PJA2: variants seen among roughly 807,000 people sequenced by gnomAD.
PJA2 encodes E3 ubiquitin-protein ligase Praja-2.
Under a neutral mutation model 69.3 loss-of-function variants are expected in PJA2, and 25 were observed. The observed-to-expected ratio is 0.36, with a 90% CI of 0.26 to 0.50. The LOEUF is 0.50. Among genes scored for constraint, PJA2 ranks in the 20% least tolerant of loss-of-function variants. The pLI is 0.96. For missense variants in PJA2, 809 were observed against 830.2 expected (o/e 0.97, Z 0.31); for synonymous variants, 308 against 277.8 (o/e 1.11, Z -1.08).
At position 109,381,688 on chromosome 5, in the gene PJA2, G is replaced by T. The variant is rs1209353987; in HGVS notation, c.47C>A (p.Ser16Tyr). Residue 16 changes from serine (S) to tyrosine (Y), a missense_variant, in exon 3 of 10, where the codon TCT becomes TAT. By Grantham distance (144) the Ser-to-Tyr change is moderately radical. Coordinates refer to ENST00000361189, the MANE Select transcript of PJA2 (RefSeq NM_014819.5). ...TGGTTTGGGCCAGACAGCCTTACCA[G>T]ATTCTTGGTCCATTGCTGAAAAAAA... is the stretch of plus-strand genomic sequence containing the variant. Reference protein sequence around the residue: ...EKEPAAMDQESGKAVWPKPAG... With the variant: ...EKEPAAMDQEYGKAVWPKPAG... The T allele has an allele frequency of 6.2e-7, 1 of 1,613,544 alleles. No homozygotes were observed. Among genetic ancestry groups the T allele is most frequent in the Non-Finnish European group, 8.5e-7 (1 of 1,179,958 alleles).
intron 5 of PJA2, among the ~76,000 whole-genome samples, chr5:109,367,070 T>G (rs1182135604): frequency 6.6e-6 from 1 of 150,982 alleles, no homozygotes; most frequent in African/African-American, 2.4e-5. Context: ...AGATGGAGGT[T>G]TCAGTGAGCC....
At chr5:109,368,780 G>C in intron 4 of PJA2, 34 bp from the exon 5 acceptor site, 1 of 1,576,832 alleles carries the variant, frequency 6.3e-7, no homozygotes, top group Non-Finnish European at 8.6e-7. Flanking sequence ...CTATCATAAT[G>C]TGTTCAGTTA....
chr5:109,367,421 T>C (rs1269656025), intron 5 of PJA2, among the ~76,000 whole-genome samples: 2 of 151,390 alleles, frequency 1.3e-5, no homozygotes, highest in African/African-American at 4.8e-5. Flanking sequence ...ACCAAAATAG[T>C]TCCCATGAGA....
chr5:109,375,294 G>C (rs115994600), intron 4 of PJA2, among the ~76,000 whole-genome samples: 4,609 of 152,192 alleles, frequency 0.03, 93 homozygotes, highest in Middle Eastern at 0.048. Context: ...TGGATCACTT[G>C]AGGTCACAGG....
chr5:109,387,772 AACATGG>A (rs1747191643), intron 1 of PJA2, among the ~76,000 whole-genome samples: 1 of 152,230 alleles, frequency 6.6e-6, no homozygotes, highest in Non-Finnish European at 1.5e-5. Flanking sequence ...TGCAAGGAAG[AACATGG>A]ACATGTAAGG....
At chr5:109,405,879 T>C (rs897364020) in intron 1 of PJA2, among the ~76,000 whole-genome samples, 1 of 151,932 alleles carries the variant, frequency 6.6e-6, no homozygotes, top group East Asian at 1.9e-4. Flanking sequence ...GTTGGTAAGA[T>C]GAATTTATCA....
At chr5:109,349,905 T>C (rs948517147) in intron 7 of PJA2, among the ~76,000 whole-genome samples, 2 of 152,210 alleles carry the variant, frequency 1.3e-5, no homozygotes, top group Non-Finnish European at 1.5e-5. Flanking sequence ...GATCCTGTTA[T>C]CAGTCCCTTT....
Position 109,368,619 on chromosome 5 carries a change from G to A in PJA2, c.1411C>T (p.Leu471=). The A allele has an allele frequency of 6.2e-7, 1 of 1,614,042 alleles. No homozygotes were observed. Among genetic ancestry groups the A allele is most frequent in the East Asian group, 2.2e-5 (1 of 44,870 alleles). The change falls in exon 5 of 10, where the codon CTA becomes TTA. Residue 471 remains leucine, a synonymous_variant. Transcript: ENST00000361189. The part of the protein sequence containing the change: ...LPGKDENEPE[L]QSDSSGPEEE... ...TCAGGGCCACTGCTATCACTTTGTAGCTCAGGTTCATTCTCATCTTTTCCT... is the reference window on the plus strand; with the variant it reads ...TCAGGGCCACTGCTATCACTTTGTAACTCAGGTTCATTCTCATCTTTTCCT...
At chr5:109,360,217 A>G (rs1054189133) in intron 6 of PJA2, among the ~76,000 whole-genome samples, 1 of 152,194 alleles carries the variant, frequency 6.6e-6, no homozygotes, top group Non-Finnish European at 1.5e-5. Context: ...ACAGGAAGAC[A>G]GAGGAGTTAA....
intron 1 of PJA2, among the ~76,000 whole-genome samples, chr5:109,395,202 T>C (rs1747378821): frequency 6.6e-6 from 1 of 152,006 alleles, no homozygotes. Context: ...AGAAATAACG[T>C]TGACAAGAAT....
At chr5:109,344,675 T>C (rs771560373) in intron 8 of PJA2, 30 bp downstream of exon 8, 4 of 1,414,410 alleles carry the variant, frequency 2.8e-6, no homozygotes, top group Non-Finnish European at 4.0e-6. Context: ...CAATGTGTTC[T>C]TCAACATTTG....
intron 1 of PJA2, among the ~76,000 whole-genome samples, chr5:109,401,307 A>G (rs1278059332): frequency 6.6e-6 from 1 of 152,078 alleles, no homozygotes; most frequent in Non-Finnish European, 1.5e-5. Flanking sequence ...ACCACCACCA[A>G]TGACAGCCTG....
chr5:109,355,892 G>T, intron 7 of PJA2, 23 bp downstream of exon 7: 1 of 1,508,044 alleles, frequency 6.6e-7, no homozygotes. Flanking sequence ...ACTTATATAT[G>T]GAGATCAGAG....
At chr5:109,342,935 GC>G (rs1762104048) in intron 9 of PJA2, among the ~76,000 whole-genome samples, 1 of 67,134 alleles carries the variant, frequency 1.5e-5, no homozygotes, top group Non-Finnish European at 3.1e-5. Context: ...GGTGAGGGGC[GC>G]CTCTGCCCGG....
intron 1 of PJA2, among the ~76,000 whole-genome samples, chr5:109,397,768 C>T (rs2127016387): frequency 6.6e-6 from 1 of 152,152 alleles, no homozygotes; most frequent in Non-Finnish European, 1.5e-5. Context: ...AAATGATCCA[C>T]CCAGCGTGGC....
intron 4 of PJA2, among the ~76,000 whole-genome samples, chr5:109,371,962 G>A (rs574175164): frequency 1.3e-5 from 2 of 152,166 alleles, no homozygotes; most frequent in Admixed American, 6.5e-5. Context: ...AAGGGTAAGT[G>A]AGTTAATATA....
At chr5:109,353,833 G>C (rs1237284194) in intron 7 of PJA2, among the ~76,000 whole-genome samples, 1 of 102,908 alleles carries the variant, frequency 9.7e-6, no homozygotes, top group Non-Finnish European at 2.0e-5. Context: ...ATGATATCTA[G>C]AGATATCTAT....
At chr5:109,374,299 C>T (rs1375873069) in intron 4 of PJA2, among the ~76,000 whole-genome samples, 1 of 152,118 alleles carries the variant, frequency 6.6e-6, no homozygotes, top group Non-Finnish European at 1.5e-5. Context: ...CTTCTATGAA[C>T]TTGAAAACAA....
chr5:109,392,819 G>T (rs1582625191), intron 1 of PJA2, among the ~76,000 whole-genome samples: 1 of 152,066 alleles, frequency 6.6e-6, no homozygotes, highest in South Asian at 2.1e-4. Flanking sequence ...ATGCAGAAAC[G>T]AAATCCGGCC....
Sources: gnomAD v4.1 joint callset for allele counts (sites outside exome capture counted in the v4.1 genomes callset) on GRCh38, gnomAD v4.1.1 for gene constraint, MANE v1.5 for transcripts, NCBI Gene and HGNC (gene_info 2026-07-23, HGNC 2026-07-21) for gene names.